Variants in PER2 observed in about 807,000 individuals in gnomAD.
The protein encoded by PER2 is period circadian regulator 2.
A neutral mutation model predicts 121.0 loss-of-function variants in PER2; 66 were observed. That is an observed-to-expected ratio of 0.55 (90% confidence interval 0.45 to 0.67). The LOEUF (loss-of-function observed/expected upper bound fraction) is 0.67. Ranked by LOEUF, PER2 falls within the 30% of genes least tolerant of loss-of-function variation. The probability of loss-of-function intolerance (pLI) is 0.00; values close to 1 mark genes in which losing one functional copy is unlikely to be tolerated. For synonymous variants in PER2, 684 were observed against 659.9 expected (o/e 1.04, Z -0.56); for missense variants, 1,521 against 1,635.0 (o/e 0.93, Z 1.20).
upstream of PER2, among the ~76,000 whole-genome samples, chr2:238,291,435 C>G (rs976111443): frequency 6.6e-6 from 1 of 152,246 alleles, no homozygotes; most frequent in Admixed American, 6.5e-5. Context: ...CTACTATGTA[C>G]CAGGCAACTG....
In PER2 at chr2:238,252,101, C is replaced by T. The variant is rs933093336; in HGVS notation, c.3112-340G>A. Among the ~76,000 whole-genome samples the T allele has an allele frequency of 2.6e-5, 4 of 152,180 alleles. No homozygotes were observed. Among genetic ancestry groups the T allele is most frequent in the Admixed American group, 1.3e-4 (2 of 15,282 alleles). ...ATGCAGCAGACATGGATGGGGAAAA[C>T]GCCTCTCACAGCACCCGGTGTGGGG... On this transcript the variant is annotated intron_variant, in intron 19 of 22. Coordinates refer to ENST00000254657, the MANE Select transcript of PER2 (RefSeq NM_022817.3). This position sits in a 1 kb window ranked among gnomAD's most constrained non-coding sequence, Gnocchi z 4.2.
rs1262294598 is a variant in PER2, at chr2:238,268,001, TA to T, written c.967+54del. 6.3e-7 allele frequency: 1 copy of T among 1,597,904 alleles called. No individual in the cohort carries two copies. Among genetic ancestry groups the T allele is most frequent in the Non-Finnish European group, 8.5e-7 (1 of 1,169,818 alleles). On this transcript the variant is annotated intron_variant, in intron 8 of 22. Transcript: ENST00000254657. This position sits in a 1 kb window ranked among gnomAD's most constrained non-coding sequence, Gnocchi z 4.0. ...AGATGTTATGTGTGAACCACAGGAGTAACTGAGGGGGAGCCAGAGACAACAT... is the reference window on the plus strand; with the variant it reads ...AGATGTTATGTGTGAACCACAGGAGTACTGAGGGGGAGCCAGAGACAACAT...
intron 15 of PER2, 39 bp from the exon 16 acceptor site, chr2:238,258,439 CAT>C (rs1224475844): frequency 1.2e-6 from 2 of 1,614,144 alleles, no homozygotes; most frequent in Non-Finnish European, 1.7e-6. Flanking sequence ...GGCCACACAA[CAT>C]GAGAGGAGGG....
chr2:238,282,032 C>T (rs1276423095), intron 1 of PER2, among the ~76,000 whole-genome samples: 1 of 152,234 alleles, frequency 6.6e-6, no homozygotes. Flanking sequence ...ATGGTTAACA[C>T]AGCATCTAGA....
chr2:238,299,168 C>G, the PER2 span: 2 of 152,246 alleles, frequency 1.3e-5, no homozygotes, highest in Non-Finnish European at 2.9e-5. Context: ...ATAATCCCAG[C>G]TACTCGGGAG....
intron 1 of PER2, among the ~76,000 whole-genome samples, chr2:238,287,181 C>T (rs1696813761): frequency 6.6e-6 from 1 of 152,184 alleles, no homozygotes; most frequent in Admixed American, 6.5e-5. Context: ...AGTTCTGTAC[C>T]AATGAATCAT....
chr2:238,269,754 G>A (rs1160956446), intron 6 of PER2, among the ~76,000 whole-genome samples: 1 of 152,214 alleles, frequency 6.6e-6, no homozygotes, highest in Non-Finnish European at 1.5e-5. Context: ...ACCGACAACT[G>A]AGCACAGTCA....
chr2:238,277,317 C>G, intron 2 of PER2, 124 bp from the exon 3 acceptor site: 1 of 778,656 alleles, frequency 1.3e-6, no homozygotes, highest in East Asian at 2.4e-5. Context: ...TTTAAAAATA[C>G]AAGGTTAAGA....
At chr2:238,288,113 C>G (rs1696843576) in intron 1 of PER2, among the ~76,000 whole-genome samples, 1 of 152,148 alleles carries the variant, frequency 6.6e-6, no homozygotes, top group African/African-American at 2.4e-5. Flanking sequence ...GGAAAAGCTC[C>G]TAGATCAGCG....
chr2:238,260,184 A>G, intron 13 of PER2, 131 bp from the exon 14 acceptor site: 1 of 637,038 alleles, frequency 1.6e-6, no homozygotes, highest in Non-Finnish European at 2.9e-6. Flanking sequence ...GAGAAATCTG[A>G]CAGGTGTAGA....
In PER2 at chr2:238,244,278, T is replaced by C. The variant is rs1172168427; in HGVS notation, c.*2097A>G. 1 of 152,606 alleles carries C rather than the reference T, an allele frequency of 6.6e-6. No individual in the cohort carries two copies. The highest frequency in any genetic ancestry group is 1.5e-5 in the Non-Finnish European group (1 of 68,046). The allele number at this position is 152,606 out of a possible 1,614,324, so 9.5% of individuals were successfully genotyped here. ...CAGTTTAAAATAGAGAAAAACTGTT[T>C]AACACCTGTGTAAGCACACACACTA... On this transcript the variant is annotated 3_prime_UTR_variant, in exon 23 of 23. Coordinates refer to ENST00000254657, the MANE Select transcript of PER2 (RefSeq NM_022817.3).
At chr2:238,278,646 G>A (rs569571382) in intron 1 of PER2, among the ~76,000 whole-genome samples, 23 of 152,236 alleles carry the variant, frequency 1.5e-4, no homozygotes, top group African/African-American at 4.6e-4. Flanking sequence ...TGGGGGAGCC[G>A]GGTTCAGAAA....
chr2:238,262,149 G>A (rs748765044), intron 11 of PER2, 42 bp downstream of exon 11: 6 of 1,596,882 alleles, frequency 3.8e-6, no homozygotes, highest in South Asian at 2.2e-5. Context: ...CGAGACCCCC[G>A]CCCAAGACCC....
intron 6 of PER2, among the ~76,000 whole-genome samples, chr2:238,269,745 C>T (rs1349066349): frequency 6.6e-6 from 1 of 152,252 alleles, no homozygotes; most frequent in African/African-American, 2.4e-5. Flanking sequence ...CACCAACTAA[C>T]CGACAACTGA....
Position 238,266,195 on chromosome 2 carries a change from G to A in PER2, c.968-605C>T, listed in dbSNP as rs112805129. 2.6e-3 allele frequency among the ~76,000 whole-genome samples: 389 copies of A among 152,088 alleles called. 1 individual carries two copies. The highest frequency in any genetic ancestry group is 3.5e-3 in the Non-Finnish European group (236 of 68,018). On this transcript the variant is annotated intron_variant, in intron 8 of 22. Coordinates refer to ENST00000254657, the MANE Select transcript of PER2 (RefSeq NM_022817.3). ...TGGGACTACAGGCGTGAGCCACTGC[G>A]CCCGGCCCCATCTTTATGATGTTTA...
chr2:238,250,781 C>T, intron 20 of PER2, 38 bp from the exon 21 acceptor site: 1 of 1,421,602 alleles, frequency 7.0e-7, no homozygotes, highest in Non-Finnish European at 9.9e-7. Context: ...AAAACATTGA[C>T]ATATGAAATT....
chr2:238,281,457 G>A (rs966529828), intron 1 of PER2, among the ~76,000 whole-genome samples: 6 of 152,090 alleles, frequency 3.9e-5, no homozygotes, highest in African/African-American at 1.4e-4. Context: ...CTTAAAGTCA[G>A]GAACAAAATA....
chr2:238,251,188 T>C (rs967381493), intron 20 of PER2, among the ~76,000 whole-genome samples: 15 of 152,188 alleles, frequency 9.9e-5, no homozygotes, highest in Non-Finnish European at 1.6e-4. Context: ...TTCAATTTTG[T>C]GGAGAGTGTG....
chr2:238,264,965 T>C (rs903530715), intron 9 of PER2, among the ~76,000 whole-genome samples: 41 of 152,192 alleles, frequency 2.7e-4, no homozygotes, highest in African/African-American at 9.4e-4. Context: ...GGAGTCTTCA[T>C]GCATTTGTGG....
Sources: gnomAD v4.1 joint callset for allele counts (sites outside exome capture counted in the v4.1 genomes callset) on GRCh38, gnomAD v4.1.1 for gene constraint, Gnocchi (gnomAD v3.1) non-coding constraint, MANE v1.5 for transcripts, NCBI Gene and HGNC (gene_info 2026-07-23, HGNC 2026-07-21) for gene names.